The following HCLS1 variants were observed in gnomAD, a reference collection of about 807,000 sequenced individuals.
HCLS1 encodes hematopoietic cell-specific Lyn substrate 1.
A neutral mutation model predicts 68.6 loss-of-function variants in HCLS1; 44 were observed. The ratio of observed to expected loss-of-function variants is 0.64; its 90% CI spans 0.50 to 0.82. The LOEUF (loss-of-function observed/expected upper bound fraction) is 0.82, where lower values mean the gene tolerates loss of function less well. Among genes scored for constraint, HCLS1 ranks in the 40% least tolerant of loss-of-function variants. The pLI, the probability that HCLS1 is intolerant of heterozygous loss-of-function variation, is 0.00. For synonymous variants in HCLS1, 217 were observed against 225.8 expected (o/e 0.96, Z 0.35); for missense variants, 602 against 612.1 (o/e 0.98, Z 0.17).
chr3:121,653,972 A>ATTCTTT (rs758152517), intron 3 of HCLS1: 1 of 152,220 alleles, frequency 6.6e-6, no homozygotes, highest in Non-Finnish European at 1.5e-5. Context: ...TAGTGATTTT[A>ATTCTTT]TTCTTTTTCT....
At chr3:121,632,991 G>T in intron 11 of HCLS1, 76 bp downstream of exon 11, 1 of 998,298 alleles carries the variant, frequency 1.0e-6, no homozygotes, top group Non-Finnish European at 1.5e-6. Flanking sequence ...AGGATGGTTG[G>T]CCACCCTGCA....
At chr3:121,632,668 C>G in intron 11 of HCLS1, 105 bp from the exon 12 acceptor site, 1 of 928,610 alleles carries the variant, frequency 1.1e-6, no homozygotes, top group Non-Finnish European at 1.6e-6. Flanking sequence ...CTTCTCCCCT[C>G]TACCCTTGCC....
At chr3:121,657,234 C>G (rs368357196) in intron 3 of HCLS1, 45 bp downstream of exon 3, 16 of 1,545,122 alleles carry the variant, frequency 1.0e-5, no homozygotes, top group South Asian at 5.7e-5. Context: ...TCTTTGGGCT[C>G]TTCCCATAAC....
In HCLS1 at chr3:121,639,108, T is replaced by A. The variant is rs376081921; in HGVS notation, c.455-1852A>T. 6.6e-5 allele frequency among the ~76,000 whole-genome samples: 10 copies of A among 151,868 alleles called. 1 individual carries two copies. The highest frequency in any genetic ancestry group is 5.8e-4 in the East Asian group (3 of 5,176). ...GAAAGAGAAATAGACAAATCTGTAA[T>A]AGTAGTTGAACATTTAACACCATTC... On this transcript the variant is annotated intron_variant, in intron 6 of 13. Transcript: ENST00000314583.
chr3:121,647,314 C>T lies in HCLS1; in HGVS notation c.288+5G>A. On this transcript the variant is annotated splice_donor_5th_base_variant and intron_variant, in intron 4 of 13. Transcript: ENST00000314583. ...TTTAAAGCAAATCTTTCCCTTTCAA[C>T]TTACCTTGTCCATTCGGTCTCTTTC... 6.2e-7 allele frequency: 1 copy of T among 1,613,814 alleles called. No homozygotes were observed. The highest frequency in any genetic ancestry group is 8.5e-7 in the Non-Finnish European group (1 of 1,179,912).
chr3:121,642,829 G>T (rs549326506), intron 6 of HCLS1, 98 bp downstream of exon 6: 2 of 935,248 alleles, frequency 2.1e-6, no homozygotes, highest in South Asian at 1.3e-5. Context: ...CTGGGTCATG[G>T]AAGTTAAAAA....
chr3:121,644,531 A>C (rs1253439120), intron 5 of HCLS1: 2 of 504,052 alleles, frequency 4.0e-6, no homozygotes, highest in East Asian at 8.6e-5. Flanking sequence ...TTCTATCTTC[A>C]TGCATATGAG....
intron 6 of HCLS1, among the ~76,000 whole-genome samples, chr3:121,638,503 C>A (rs2049169731): frequency 6.6e-6 from 1 of 152,148 alleles, no homozygotes; most frequent in Non-Finnish European, 1.5e-5. Flanking sequence ...TAGAAAAATT[C>A]TACTCATTTA....
intron 3 of HCLS1, among the ~76,000 whole-genome samples, chr3:121,652,052 T>C (rs1003358208): frequency 3.3e-5 from 5 of 152,152 alleles, no homozygotes; most frequent in Admixed American, 6.5e-5. Context: ...GGACACTACA[T>C]GACAATATAA....
At chr3:121,649,723 T>C (rs1393871962) in intron 3 of HCLS1, among the ~76,000 whole-genome samples, 1 of 152,226 alleles carries the variant, frequency 6.6e-6, no homozygotes, top group Non-Finnish European at 1.5e-5. Context: ...TAAGAAACTT[T>C]TGACATATTA....
At chr3:121,636,035 A>G (rs549435468) in intron 8 of HCLS1, among the ~76,000 whole-genome samples, 24 of 152,330 alleles carry the variant, frequency 1.6e-4, no homozygotes, top group Non-Finnish European at 1.0e-4. Flanking sequence ...AGAATCTCAC[A>G]TCTCCAAGCC....
chr3:121,653,367 G>A (rs1425230159), intron 3 of HCLS1, among the ~76,000 whole-genome samples: 1 of 152,072 alleles, frequency 6.6e-6, no homozygotes, highest in East Asian at 1.9e-4. Context: ...CTGTATCCTC[G>A]GACAAATTGC....
chr3:121,639,534 TTGTTG>T (rs1560139267), intron 6 of HCLS1, among the ~76,000 whole-genome samples: 1 of 151,130 alleles, frequency 6.6e-6, no homozygotes, highest in African/African-American at 2.4e-5. Context: ...TTATTTTTTG[TTGTTG>T]TTGTTGTTGT....
chr3:121,646,562 A>G (rs1937609821), intron 4 of HCLS1, among the ~76,000 whole-genome samples: 1 of 109,756 alleles, frequency 9.1e-6, no homozygotes, highest in African/African-American at 3.7e-5. Flanking sequence ...ATATTAATAT[A>G]TATTTATTAC....
chr3:121,658,457 T>C, intron 1 of HCLS1, 110 bp from the exon 2 acceptor site: 1 of 814,724 alleles, frequency 1.2e-6, no homozygotes, highest in South Asian at 1.6e-5. Flanking sequence ...TGCCATTTTT[T>C]TTTTCTTAGA....
rs533516416 is a variant in HCLS1 at position 121,648,629 on chromosome 3, T to C, written c.159-1181A>G. ...GACAACCAGACACATTGGTTATACG[T>C]AGAATGGCTGTCTCACAGCAGAAAT... On this transcript the variant is annotated intron_variant, in intron 3 of 13. Coordinates refer to ENST00000314583, the MANE Select transcript of HCLS1 (RefSeq NM_005335.6). Among the ~76,000 whole-genome samples the C allele has an allele frequency of 9.8e-5, 15 of 152,320 alleles. No individual in the cohort carries two copies. In the South Asian group the frequency reaches 3.1e-3, roughly 32 times the overall value.
chr3:121,643,169 A>C, intron 5 of HCLS1, 188 bp from the exon 6 acceptor site: 1 of 514,570 alleles, frequency 1.9e-6, no homozygotes. Context: ...TAGGCCCTGG[A>C]CACAGACAGT....
At chr3:121,655,665 GA>G (rs1375868613) in intron 3 of HCLS1, 5 of 142,770 alleles carry the variant, frequency 3.5e-5, no homozygotes, top group South Asian at 4.5e-4. Flanking sequence ...TTCAGAAAAG[GA>G]AAAGGGTCTT....
chr3:121,634,581 G>T (rs1033505880), intron 9 of HCLS1, among the ~76,000 whole-genome samples, 163 bp from the exon 10 acceptor site: 7 of 152,182 alleles, frequency 4.6e-5, no homozygotes, highest in Non-Finnish European at 1.0e-4. Flanking sequence ...ATAATAGGAG[G>T]ATGGCATAGC....
Sources: gnomAD v4.1 joint callset for allele counts (sites outside exome capture counted in the v4.1 genomes callset) on GRCh38, gnomAD v4.1.1 for gene constraint, MANE v1.5 for transcripts, NCBI Gene and HGNC (gene_info 2026-07-23, HGNC 2026-07-21) for gene names.